The following LINS1 variants were observed in gnomAD, a reference collection of about 807,000 sequenced individuals.
LINS1 encodes the protein protein Lines homolog 1.
LINS1 carries 27 observed loss-of-function variants against 41.6 expected under a neutral mutation model. That is an observed-to-expected ratio of 0.65 (90% CI 0.48 to 0.89). The LOEUF is 0.89. Among genes scored for constraint, LINS1 ranks in the 40% least tolerant of loss-of-function variants. The pLI, the probability that LINS1 is intolerant of heterozygous loss-of-function variation, is 0.00. For synonymous variants in LINS1, 336 were observed against 312.9 expected (o/e 1.07, Z -0.78); for missense variants, 955 against 884.1 (o/e 1.08, Z -1.02).
At chr15:100,571,818 C>A in intron 6 of LINS1, 76 bp downstream of exon 6, 1 of 1,538,438 alleles carries the variant, frequency 6.5e-7, no homozygotes. Context: ...AAGCAACACG[C>A]CCAGCACATT....
chr15:100,585,391 T>C (rs1021532792), intron 1 of LINS1, among the ~76,000 whole-genome samples: 2 of 152,160 alleles, frequency 1.3e-5, no homozygotes, highest in Admixed American at 6.5e-5. Flanking sequence ...GAAAGTGGGA[T>C]GGTGTTGCAT....
At chr15:100,582,543 C>T (rs145839571) in intron 1 of LINS1, among the ~76,000 whole-genome samples, 3 of 135,538 alleles carry the variant, frequency 2.2e-5, no homozygotes, top group Non-Finnish European at 3.1e-5. Context: ...CTGGGTCTTC[C>T]GTCTACACTA....
chr15:100,570,378 G>A (rs1212659624), intron 6 of LINS1: 4 of 358,854 alleles, frequency 1.1e-5, no homozygotes, highest in Non-Finnish European at 1.5e-5. Context: ...TCTTTCTCTC[G>A]ACATCAGAAC....
intron 1 of LINS1, among the ~76,000 whole-genome samples, chr15:100,592,767 A>T (rs116504921): frequency 0.013 from 1,997 of 152,292 alleles, 43 homozygotes; most frequent in African/African-American, 0.045. Context: ...GAAATCAAAA[A>T]ATATTCATCT....
At position 100,573,997 on chromosome 15, in the gene LINS1, C is replaced by T; in HGVS notation, c.876G>A (p.Gln292=). The part of the protein sequence containing the change: ...CMLEVITWPI[Q]AFVKRKVIIF... ...TGATGACCTTCCTTTTAACAAAAGC[C>T]TGAATAGGCCAGGTAATAACTTCTA... Residue 292 remains glutamine, a synonymous_variant, in exon 5 of 7, where the codon CAG becomes CAA. Coordinates refer to ENST00000314742, the MANE Select transcript of LINS1 (RefSeq NM_001040616.3). The T allele has an allele frequency of 6.2e-7, 1 of 1,614,122 alleles. No individual in the cohort carries two copies. Among genetic ancestry groups the T allele is most frequent in the Non-Finnish European group, 8.5e-7 (1 of 1,180,010 alleles).
chr15:100,588,552 T>G (rs1213122371), intron 1 of LINS1, among the ~76,000 whole-genome samples: 1 of 152,248 alleles, frequency 6.6e-6, no homozygotes, highest in Admixed American at 6.5e-5. Context: ...TCTTCACAAA[T>G]GTAAACATTT....
chr15:100,571,604 C>T (rs1211674505), intron 6 of LINS1, among the ~76,000 whole-genome samples: 1 of 152,150 alleles, frequency 6.6e-6, no homozygotes, highest in Non-Finnish European at 1.5e-5. Context: ...CTTAAATGAA[C>T]AACAATTAAG....
At chr15:100,576,999 A>T (rs1476446839) in intron 3 of LINS1, among the ~76,000 whole-genome samples, 1 of 152,230 alleles carries the variant, frequency 6.6e-6, no homozygotes, top group African/African-American at 2.4e-5. Context: ...AAAACTCTCA[A>T]TAAATTAGGT....
chr15:100,573,298 C>T (rs1274628476), intron 5 of LINS1: 2 of 903,324 alleles, frequency 2.2e-6, no homozygotes, highest in African/African-American at 1.8e-5. Context: ...CATGGTCACG[C>T]ACCTGCAGTT....
At chr15:100,598,184 A>G (rs1207704308) in intron 1 of LINS1, among the ~76,000 whole-genome samples, 1 of 152,178 alleles carries the variant, frequency 6.6e-6, no homozygotes, top group Non-Finnish European at 1.5e-5. Context: ...AATGATTTTT[A>G]TGATTTAGAG....
intron 3 of LINS1, among the ~76,000 whole-genome samples, chr15:100,578,556 AAC>A (rs2038329843): frequency 6.6e-6 from 1 of 152,188 alleles, no homozygotes; most frequent in Non-Finnish European, 1.5e-5. Context: ...GAAAAATAGG[AAC>A]ACTTTTACAC....
intron 5 of LINS1, chr15:100,573,005 AAAAT>A (rs761482509): frequency 1.1e-5 from 2 of 181,494 alleles, no homozygotes; most frequent in Non-Finnish European, 2.1e-5. Flanking sequence ...ACCCTGCCTC[AAAAT>A]AAATAAACAG....
In LINS1 at chr15:100,569,368, C is replaced by G. The variant is rs780647953; in HGVS notation, c.2144G>C (p.Cys715Ser). The change falls in exon 7 of 7, where the codon TGC becomes TCC. Residue 715 changes from cysteine (C) to serine (S), a missense_variant. Transcript: ENST00000314742. ...GATGGCATCTTGTAGTTCCTGGAAG[C>G]ATTTTACTATTCTGTAAAATATTCC... is the stretch of plus-strand genomic sequence containing the variant. ...EVGIFYRIVK[C>S]FQELQDAICR... 19 of 1,614,104 alleles carry G rather than the reference C, an allele frequency of 1.2e-5. No homozygotes were observed. The highest frequency in any genetic ancestry group is 1.6e-5 in the Non-Finnish European group (19 of 1,180,008).
At chr15:100,571,435 G>C (rs2037817408) in intron 6 of LINS1, among the ~76,000 whole-genome samples, 1 of 152,182 alleles carries the variant, frequency 6.6e-6, no homozygotes, top group African/African-American at 2.4e-5. Context: ...ACCAATTTCA[G>C]ACATTTGCCT....
At chr15:100,586,478 C>A (rs2038806975) in intron 1 of LINS1, 1 of 152,136 alleles carries the variant, frequency 6.6e-6, no homozygotes, top group African/African-American at 2.4e-5. Flanking sequence ...AAGTATGTTT[C>A]TAAATTGTGG....
At position 100,573,733 on chromosome 15, in the gene LINS1, C is replaced by G. The variant is rs750230867; in HGVS notation, c.1140G>C (p.Val380=). 1 of 1,613,912 alleles carries G rather than the reference C, an allele frequency of 6.2e-7. No individual in the cohort carries two copies. The highest frequency in any genetic ancestry group is 8.5e-7 in the Non-Finnish European group (1 of 1,179,784). ...ECELITSPDH[V]ILRAASLVIM... ...TAACTAAGCTTGCTGCTCTAAGGAT[C>G]ACATGATCTGGACTAGTGATAAGTT... The change falls in exon 5 of 7, where the codon GTG becomes GTC. Residue 380 remains valine (V), a synonymous_variant. Coordinates refer to ENST00000314742, the MANE Select transcript of LINS1 (RefSeq NM_001040616.3).
chr15:100,588,099 T>C (rs116713108), intron 1 of LINS1, among the ~76,000 whole-genome samples: 2,214 of 152,344 alleles, frequency 0.015, 45 homozygotes, highest in African/African-American at 0.051. Flanking sequence ...AAAGGAATTC[T>C]GAGGCTGGTC....
Position 100,580,851 on chromosome 15 carries a change from C to A in LINS1, c.-9G>T, listed in dbSNP as rs1173611090. On this transcript the variant is annotated 5_prime_UTR_variant, in exon 2 of 7. Transcript: ENST00000314742. ...TCACAGAAAACTTTCATTTTGACTT[C>A]CAAAATGTATCTTATAAGAAGGTCG... is the stretch of plus-strand genomic sequence containing the variant. 3.7e-6 allele frequency: 6 copies of A among 1,608,218 alleles called. No homozygotes were observed. Among genetic ancestry groups the A allele is most frequent in the Non-Finnish European group, 4.2e-6 (5 of 1,176,512 alleles).
At chr15:100,601,529 G>A (rs532602572) in intron 1 of LINS1, among the ~76,000 whole-genome samples, 43 of 152,124 alleles carry the variant, frequency 2.8e-4, no homozygotes, top group African/African-American at 1.0e-3. Context: ...AGTTTTGAAG[G>A]GGACAGATAT....
Sources: gnomAD v4.1 joint callset for allele counts (sites outside exome capture counted in the v4.1 genomes callset) on GRCh38, gnomAD v4.1.1 for gene constraint, MANE v1.5 for transcripts, NCBI Gene and HGNC (gene_info 2026-07-23, HGNC 2026-07-21) for gene names.